BBC3: variants seen among roughly 807,000 people sequenced by gnomAD.
BBC3 encodes the protein bcl-2-binding component 3.
In BBC3, 5 loss-of-function variants were observed where a neutral mutation model predicts 18.2. The observed-to-expected ratio is 0.27, with a 90% CI of 0.14 to 0.58. The LOEUF (loss-of-function observed/expected upper bound fraction) is 0.58. Ranked by LOEUF, BBC3 falls within the 20% of genes least tolerant of loss-of-function variation. The pLI is 0.91. For missense variants in BBC3, 224 were observed against 268.9 expected (o/e 0.83, Z 1.17); for synonymous variants, 119 against 128.0 (o/e 0.93, Z 0.47).
intron 3 of BBC3, among the ~76,000 whole-genome samples, chr19:47,225,595 C>A (rs1203710680): frequency 6.7e-6 from 1 of 149,972 alleles, no homozygotes; most frequent in Non-Finnish European, 1.5e-5. Flanking sequence ...TGGGCTCAAG[C>A]GTCCTTCTAT....
chr19:47,223,576 A>T (rs78761665), intron 3 of BBC3, among the ~76,000 whole-genome samples: 2,920 of 152,104 alleles, frequency 0.019, 95 homozygotes, highest in African/African-American at 0.065. Context: ...CAAAAAAAAA[A>T]TTTTTTTTAA....
chr19:47,226,898 C>A, intron 2 of BBC3, 144 bp from the exon 3 acceptor site: 1 of 724,156 alleles, frequency 1.4e-6, no homozygotes, highest in East Asian at 3.4e-5. Context: ...CTCAGCTTCT[C>A]CTCCACAGGC....
At position 47,221,825 on chromosome 19, in the gene BBC3, C is replaced by T; in HGVS notation, c.559G>A (p.Ala187Thr). ...ACCTAATTGGGCTCCATCTCGGGGG[C>T]TCTGTGGCCCCTGGGTAAGGGCAGG... Reference protein sequence around the residue: ...GLLPLPRGHRAPEMEPN With the variant: ...GLLPLPRGHRTPEMEPN The change falls in exon 4 of 4, where the codon GCC becomes ACC. Residue 187 changes from alanine (A) to threonine (T), a missense_variant. Ala to Thr is a moderately conservative substitution (Grantham distance 58). Transcript: ENST00000439096. 6.2e-7 allele frequency: 1 copy of T among 1,613,614 alleles called. No homozygotes were observed. The highest frequency in any genetic ancestry group is 8.5e-7 in the Non-Finnish European group (1 of 1,179,812).
Position 47,228,445 on chromosome 19 carries a change from G to A in BBC3, c.-14C>T. 13 of 1,231,866 alleles carry A rather than the reference G, an allele frequency of 1.1e-5. No individual in the cohort carries two copies. The highest frequency in any genetic ancestry group is 1.3e-5 in the Non-Finnish European group (13 of 987,722). 76.3% of individuals were successfully genotyped at this position (1,231,866 alleles called of 1,614,324 possible). On this transcript the variant is annotated splice_region_variant and 5_prime_UTR_variant, in exon 2 of 4. Transcript: ENST00000439096. This position sits in a 1 kb window ranked among gnomAD's most constrained non-coding sequence, Gnocchi z 5.5. ...TGCGCGGGCCATGGCGCTCCCTGGG[G>A]CCTGCGGGACACGGGAGGAGGAGCA...
In BBC3 at chr19:47,230,759, C is replaced by G; in HGVS notation, c.-16+170G>C. On this transcript the variant is annotated intron_variant, in intron 1 of 3. Transcript: ENST00000439096. This position sits in a 1 kb window ranked among gnomAD's most constrained non-coding sequence, Gnocchi z 6.7. Reference sequence around the variant, plus strand: ...GACCGGCGCCCCAACGCCGAGCCGCCTCTCACCCGGCGACCCTGGCCCAGG... The same window carrying G: ...GACCGGCGCCCCAACGCCGAGCCGCGTCTCACCCGGCGACCCTGGCCCAGG... 1 of 985,238 alleles carries G rather than the reference C, an allele frequency of 1.0e-6. No homozygotes were observed. Among genetic ancestry groups the G allele is most frequent in the Non-Finnish European group, 1.2e-6 (1 of 829,852 alleles). The allele number at this position is 985,238 out of a possible 1,614,324, so 61.0% of individuals were successfully genotyped here.
intron 2 of BBC3, among the ~76,000 whole-genome samples, chr19:47,227,360 C>T (rs981695462): frequency 9.4e-5 from 14 of 149,656 alleles, no homozygotes; most frequent in African/African-American, 3.4e-4. Context: ...TCCTGCCCTC[C>T]CGTCCCACCA....
At chr19:47,225,138 C>G (rs545189273) in intron 3 of BBC3, among the ~76,000 whole-genome samples, 1 of 151,932 alleles carries the variant, frequency 6.6e-6, no homozygotes. Context: ...CTCGAACTCC[C>G]GACCTCAGGT....
intron 3 of BBC3, among the ~76,000 whole-genome samples, chr19:47,226,186 A>G (rs1205714539): frequency 1.3e-5 from 2 of 151,292 alleles, no homozygotes; most frequent in Non-Finnish European, 2.9e-5. Flanking sequence ...CGCGAGAGGG[A>G]CGGCAGGGGG....
At chr19:47,226,884 A>G (rs776399217) in intron 2 of BBC3, 130 bp from the exon 3 acceptor site, 59 of 821,446 alleles carry the variant, frequency 7.2e-5, no homozygotes, top group East Asian at 1.4e-4. Context: ...TAGTGAGTCA[A>G]TTTCTCAGCT....
rs2123377907 is a variant in BBC3 at position 47,226,660 on chromosome 19, G to T, written c.369C>A (p.Ala123=). The stretch of plus-strand genomic sequence containing the variant: ...GTTCCTCCTCCCCGCGGACTCCCGG[G>T]GCCGCCTGGGTGGGACCGCCCGCCA... ...GALAGGPTQA[A]PGVRGEEEQW... The change falls in exon 3 of 4, where the codon GCC becomes GCA. Residue 123 remains alanine, a synonymous_variant. Transcript: ENST00000439096. 1 of 1,528,216 alleles carries T rather than the reference G, an allele frequency of 6.5e-7. No individual in the cohort carries two copies. The allele number at this position is 1,528,216 out of a possible 1,614,324, so 94.7% of individuals were successfully genotyped here.
At chr19:47,225,429 T>TC (rs1461712564) in intron 3 of BBC3, among the ~76,000 whole-genome samples, 6 of 151,772 alleles carry the variant, frequency 4.0e-5, no homozygotes, top group Non-Finnish European at 8.8e-5. Context: ...CCTTCATGGC[T>TC]CAGTGCAGCC....
In BBC3 at chr19:47,223,233, T is replaced by G. The variant is rs557712364; in HGVS notation, c.466-1315A>C. Among the ~76,000 whole-genome samples, 5 of 148,940 alleles carry G rather than the reference T, an allele frequency of 3.4e-5. No individual in the cohort carries two copies. The Admixed American group carries it at 3.4e-4, about 10-fold the overall frequency. ...TTGCAGTGAGCCGAGATGGCGCCAC[T>G]GCACTCCAGCCTGGGTGACAGAGCG... On this transcript the variant is annotated intron_variant, in intron 3 of 3. Transcript: ENST00000439096.
At chr19:47,222,628 G>A (rs1394288525) in intron 3 of BBC3, 1 of 152,262 alleles carries the variant, frequency 6.6e-6, no homozygotes, top group Non-Finnish European at 1.5e-5. Context: ...CCTGAGGTCA[G>A]GAGTTTGAGA....
At chr19:47,225,810 T>G (rs1293141148) in intron 3 of BBC3, among the ~76,000 whole-genome samples, 1 of 152,090 alleles carries the variant, frequency 6.6e-6, no homozygotes, top group Non-Finnish European at 1.5e-5. Context: ...GCCTGGTAAA[T>G]ACGGAGTAAA....
At chr19:47,226,832 C>G in intron 2 of BBC3, 78 bp from the exon 3 acceptor site, 1 of 1,203,878 alleles carries the variant, frequency 8.3e-7, no homozygotes, top group African/African-American at 1.6e-5. Flanking sequence ...TCCCCTCTTT[C>G]CCAGCCACTG....
Position 47,221,615 on chromosome 19 carries a change from T to G in BBC3, c.*187A>C. On this transcript the variant is annotated 3_prime_UTR_variant, in exon 4 of 4. Transcript: ENST00000439096. ...GGCCAGGGACCCAGGAGTCCGCATC[T>G]CCGTCAGTGCACCCCAGGCTGGGCT... 8.0e-7 allele frequency: 1 copy of G among 1,249,320 alleles called. No homozygotes were observed. The highest frequency in any genetic ancestry group is 1.4e-5 in the South Asian group (1 of 70,916). 77.4% of individuals were successfully genotyped at this position (1,249,320 alleles called of 1,614,324 possible).
chr19:47,231,311 G>A (rs896780202), upstream of BBC3: 13 of 635,104 alleles, frequency 2.0e-5, no homozygotes, highest in Non-Finnish European at 2.2e-5. The surrounding 1 kb of genome is among the most constrained non-coding windows in gnomAD (Gnocchi z 4.0). Context: ...GGCCCCGCCC[G>A]CCCGCCGCGG....
rs2058902503 is a variant in BBC3 at position 47,230,714 on chromosome 19, C to A, written c.-16+215G>T. ...GTTTGTAAACAAACCCGCCAGACCGCCGAGGCACCTGTGCGCCCAGACCGG... is the reference window on the plus strand; with the variant it reads ...GTTTGTAAACAAACCCGCCAGACCGACGAGGCACCTGTGCGCCCAGACCGG... On this transcript the variant is annotated intron_variant, in intron 1 of 3. Transcript: ENST00000439096. The surrounding 1 kb of genome is among the most constrained non-coding windows in gnomAD (Gnocchi z 6.7). 1.0e-6 allele frequency: 1 copy of A among 984,980 alleles called. No homozygotes were observed. The highest frequency in any genetic ancestry group is 1.2e-6 in the Non-Finnish European group (1 of 829,718). 61.0% of individuals were successfully genotyped at this position (984,980 alleles called of 1,614,324 possible).
chr19:47,230,751 CGAGCCGCCT>C lies in BBC3; in HGVS notation c.-16+169_-16+177del. On this transcript the variant is annotated intron_variant, in intron 1 of 3. Coordinates refer to ENST00000439096, the MANE Select transcript of BBC3 (RefSeq NM_014417.5). This position sits in a 1 kb window ranked among gnomAD's most constrained non-coding sequence, Gnocchi z 6.7. ...TGCGCCCAGACCGGCGCCCCAACGC[CGAGCCGCCT>C]CTCACCCGGCGACCCTGGCCCAGGG... The C allele has an allele frequency of 1.0e-6, 1 of 985,220 alleles. No homozygotes were observed. The highest frequency in any genetic ancestry group is 1.2e-6 in the Non-Finnish European group (1 of 829,860). The allele number at this position is 985,220 out of a possible 1,614,324, so 61.0% of individuals were successfully genotyped here.
Sources: gnomAD v4.1 joint callset for allele counts (sites outside exome capture counted in the v4.1 genomes callset) on GRCh38, gnomAD v4.1.1 for gene constraint, Gnocchi (gnomAD v3.1) non-coding constraint, MANE v1.5 for transcripts, NCBI Gene and HGNC (gene_info 2026-07-23, HGNC 2026-07-21) for gene names.